The following UACA variants were observed in gnomAD, a reference collection of about 807,000 sequenced individuals.
UACA encodes the protein nuclear membrane binding protein.
In UACA, 112 loss-of-function variants were observed where a neutral mutation model predicts 160.5. The ratio of observed to expected loss-of-function variants is 0.70; its 90% CI spans 0.60 to 0.82. UACA has a LOEUF of 0.82. Among genes scored for constraint, UACA ranks in the 40% least tolerant of loss-of-function variants. The probability of loss-of-function intolerance (pLI) is 0.00; values close to 1 mark genes in which losing one functional copy is unlikely to be tolerated. For missense variants in UACA, 1,574 were observed against 1,614.6 expected (o/e 0.97, Z 0.43); for synonymous variants, 557 against 568.4 (o/e 0.98, Z 0.29).
intron 1 of UACA, chr15:70,702,177 T>A: frequency 1.6e-6 from 2 of 1,215,862 alleles, no homozygotes; most frequent in Non-Finnish European, 2.1e-6. Context: ...ACAGTAACTC[T>A]ATCTATTTCT....
At chr15:70,743,480 T>C (rs1056584962) in intron 1 of UACA, among the ~76,000 whole-genome samples, 2 of 152,156 alleles carry the variant, frequency 1.3e-5, no homozygotes, top group Non-Finnish European at 2.9e-5. Flanking sequence ...TCACTGCGCG[T>C]TGCAGTCAAA....
Position 70,687,865 on chromosome 15 carries a change from T to C in UACA, c.425-45A>G, listed in dbSNP as rs767688195. ...ATGATAAATGGTGAACATCTGTTGGTAAGACACATAGTGTTTTTCTAGGTC... is the reference window on the plus strand; with the variant it reads ...ATGATAAATGGTGAACATCTGTTGGCAAGACACATAGTGTTTTTCTAGGTC... On this transcript the variant is annotated intron_variant, in intron 5 of 18. Coordinates refer to ENST00000322954, the MANE Select transcript of UACA (RefSeq NM_018003.4). 3.2e-6 allele frequency: 5 copies of C among 1,580,640 alleles called. No homozygotes were observed. The South Asian group carries it at 5.6e-5, about 18-fold the overall frequency.
At position 70,656,990 on chromosome 15, in the gene UACA, T is replaced by C. The variant is rs948180091; in HGVS notation, c.*66A>G. ...AGCACAGTAAGGCCCAGAAAGACCA[T>C]GGAGTTGCACAAAGAATGTTCAGCA... On this transcript the variant is annotated 3_prime_UTR_variant, in exon 19 of 19. Coordinates refer to ENST00000322954, the MANE Select transcript of UACA (RefSeq NM_018003.4). 52 of 1,312,304 alleles carry C rather than the reference T, an allele frequency of 4.0e-5. 1 individual carries two copies. In the East Asian group the frequency reaches 6.7e-4, roughly 17 times the overall value. The allele number at this position is 1,312,304 out of a possible 1,614,324, so 81.3% of individuals were successfully genotyped here.
At chr15:70,691,654 A>T (rs1169910748) in intron 3 of UACA, among the ~76,000 whole-genome samples, 2 of 152,216 alleles carry the variant, frequency 1.3e-5, no homozygotes, top group Non-Finnish European at 2.9e-5. Flanking sequence ...TACCTAAAAC[A>T]CAGCAGATAA....
intron 1 of UACA, among the ~76,000 whole-genome samples, chr15:70,719,818 GA>G (rs959802198): frequency 6.6e-6 from 1 of 152,062 alleles, no homozygotes; most frequent in African/African-American, 2.4e-5. Flanking sequence ...GTGAATAATC[GA>G]GGAAAATCCC....
intron 1 of UACA, among the ~76,000 whole-genome samples, chr15:70,746,245 G>T (rs920949539): frequency 6.6e-6 from 1 of 152,050 alleles, no homozygotes; most frequent in East Asian, 1.9e-4. Flanking sequence ...TCTGACAAAG[G>T]GCTAATATCC....
chr15:70,657,008 G>C lies in UACA; in HGVS notation c.*48C>G. 4 of 1,501,066 alleles carry C rather than the reference G, an allele frequency of 2.7e-6. No homozygotes were observed. Among genetic ancestry groups the C allele is most frequent in the Non-Finnish European group, 3.7e-6 (4 of 1,077,516 alleles). The allele number at this position is 1,501,066 out of a possible 1,614,324, so 93.0% of individuals were successfully genotyped here. On this transcript the variant is annotated 3_prime_UTR_variant, in exon 19 of 19. Transcript: ENST00000322954. ...AAGACCATGGAGTTGCACAAAGAAT[G>C]TTCAGCACCAGCAAGATAAAACAGA... is the stretch of plus-strand genomic sequence containing the variant.
At chr15:70,701,610 C>G (rs1898365892) in intron 1 of UACA, among the ~76,000 whole-genome samples, 1 of 152,150 alleles carries the variant, frequency 6.6e-6, no homozygotes, top group Admixed American at 6.5e-5. Flanking sequence ...ATTTTCAGTT[C>G]TACACCAAGC....
At position 70,691,800 on chromosome 15, in the gene UACA, G is replaced by A. The variant is rs76207335; in HGVS notation, c.302-437C>T. Among the ~76,000 whole-genome samples the A allele has an allele frequency of 5.7e-3, 871 of 152,244 alleles. 8 individuals carry two copies. The highest frequency in any genetic ancestry group is 0.02 in the African/African-American group (829 of 41,566). On this transcript the variant is annotated intron_variant, in intron 3 of 18. Transcript: ENST00000322954. ...CTGAAAATTGAGAAAGTTAAGAAGC[G>A]TAAGGCATAGAAAGGGTATTCCTTA... is the stretch of plus-strand genomic sequence containing the variant.
chr15:70,755,742 T>A (rs542095237), intron 1 of UACA, among the ~76,000 whole-genome samples: 2 of 151,914 alleles, frequency 1.3e-5, no homozygotes, highest in Admixed American at 6.6e-5. Context: ...GCCCTCTAAC[T>A]CCCTATTTTC....
chr15:70,704,452 C>T (rs1898468030), intron 1 of UACA, among the ~76,000 whole-genome samples: 1 of 152,140 alleles, frequency 6.6e-6, no homozygotes, highest in African/African-American at 2.4e-5. Context: ...CATCCCACAC[C>T]GCAAGTCTTT....
chr15:70,737,729 T>C (rs1899411433), intron 1 of UACA, among the ~76,000 whole-genome samples: 1 of 152,008 alleles, frequency 6.6e-6, no homozygotes, highest in Admixed American at 6.6e-5. Flanking sequence ...TAAAATAAAA[T>C]AAAATAAAAA....
In UACA at chr15:70,684,356, C is replaced by T. The variant is rs762624989; in HGVS notation, c.693G>A (p.Ala231=). Residue 231 remains alanine, a synonymous_variant, in exon 8 of 19, where the codon GCG becomes GCA. Coordinates refer to ENST00000322954, the MANE Select transcript of UACA (RefSeq NM_018003.4). The part of the protein sequence containing the change: ...KNGADISLLD[A]LGHDSSYYAR... ...CATAGTAAGAACTATCATGGCCAAG[C>T]GCATCCAGCAAGCTTATATCAGCAC... 13 of 1,613,672 alleles carry T rather than the reference C, an allele frequency of 8.1e-6. No homozygotes were observed. The highest frequency in any genetic ancestry group is 5.0e-5 in the Admixed American group (3 of 59,976).
chr15:70,687,752 C>T lies in UACA; in HGVS notation c.493G>A (p.Val165Ile), dbSNP rs767747054. 1.1e-5 allele frequency: 18 copies of T among 1,613,712 alleles called. No homozygotes were observed. Among genetic ancestry groups the T allele is most frequent in the Non-Finnish European group, 1.4e-5 (17 of 1,179,752 alleles). Reference protein sequence around the residue: ...DHGASVNAKDVDGRTPLVLAT... With the variant: ...DHGASVNAKDIDGRTPLVLAT... ...AGAATAAACATAAACTAACTTACTA[C>T]ATCTTTGGCATTCACAGAGGCCCCA... Residue 165 changes from valine to isoleucine, a missense_variant and splice_region_variant, in exon 6 of 19, where the codon GTA becomes ATA. Transcript: ENST00000322954.
At chr15:70,728,780 A>G (rs993448719) in intron 1 of UACA, among the ~76,000 whole-genome samples, 3 of 152,078 alleles carry the variant, frequency 2.0e-5, no homozygotes, top group African/African-American at 7.2e-5. Flanking sequence ...GAAAATAGTC[A>G]CAAACTATGT....
chr15:70,769,497 G>A, the UACA span, among the ~76,000 whole-genome samples: 1 of 151,440 alleles, frequency 6.6e-6, no homozygotes, highest in Non-Finnish European at 1.5e-5. Context: ...GAAAGGGAAG[G>A]TCATAGGTAA....
At chr15:70,735,510 TA>T (rs879557212) in intron 1 of UACA, among the ~76,000 whole-genome samples, 1 of 151,650 alleles carries the variant, frequency 6.6e-6, no homozygotes, top group Non-Finnish European at 1.5e-5. Flanking sequence ...TTCTCTCAAT[TA>T]AAAAAAATAT....
chr15:70,667,445 G>A lies in UACA; in HGVS notation c.3239C>T (p.Thr1080Met), dbSNP rs775563177. 8.7e-6 allele frequency: 14 copies of A among 1,609,272 alleles called. No individual in the cohort carries two copies. Among genetic ancestry groups the A allele is most frequent in the East Asian group, 2.2e-5 (1 of 44,866 alleles). Residue 1080 changes from threonine to methionine, a missense_variant, in exon 16 of 19, where the codon ACG becomes ATG. Transcript: ENST00000322954. Reference sequence around the variant, plus strand: ...CTTCTCTTTCACATTCTTTACTTCCGTGTATTTCTGTGACAAGTCTTTTAA... The same window carrying A: ...CTTCTCTTTCACATTCTTTACTTCCATGTATTTCTGTGACAAGTCTTTTAA... ...KQLKDLSQKY[T>M]EVKNVKEKLV...
chr15:70,773,412 G>A, the UACA span, among the ~76,000 whole-genome samples: 2 of 152,206 alleles, frequency 1.3e-5, no homozygotes, highest in Non-Finnish European at 2.9e-5. Context: ...CAAGACATCA[G>A]TGGAAAGTTT....
Sources: gnomAD v4.1 joint callset for allele counts (sites outside exome capture counted in the v4.1 genomes callset) on GRCh38, gnomAD v4.1.1 for gene constraint, MANE v1.5 for transcripts, NCBI Gene and HGNC (gene_info 2026-07-23, HGNC 2026-07-21) for gene names.